GABRB2: variants seen among roughly 807,000 people sequenced by gnomAD.
GABRB2 encodes the protein gamma-aminobutyric acid type A receptor subunit beta2.
Under a neutral mutation model 54.7 loss-of-function variants are expected in GABRB2, and 16 were observed. The ratio of observed to expected loss-of-function variants is 0.29; its 90% CI spans 0.20 to 0.44. The LOEUF is 0.44. Ranked by LOEUF, GABRB2 falls within the 20% of genes least tolerant of loss-of-function variation. GABRB2 has a pLI of 1.00. For synonymous variants in GABRB2, 244 were observed against 233.8 expected (o/e 1.04, Z -0.40); for missense variants, 355 against 644.0 (o/e 0.55, Z 4.86).
chr5:161,305,241 C>T (rs910164494), intron 9 of GABRB2, among the ~76,000 whole-genome samples: 9 of 151,766 alleles, frequency 5.9e-5, no homozygotes, highest in Non-Finnish European at 1.2e-4. Context: ...TGGTCTCGAT[C>T]TCCTGACCTC....
At chr5:161,301,911 C>G (rs987247074) in intron 9 of GABRB2, among the ~76,000 whole-genome samples, 2 of 152,176 alleles carry the variant, frequency 1.3e-5, no homozygotes, top group Non-Finnish European at 2.9e-5. Context: ...ATCAAGCATG[C>G]CGATGCCAAC....
At chr5:161,404,869 C>A (rs1285123698) in intron 5 of GABRB2, among the ~76,000 whole-genome samples, 1 of 152,094 alleles carries the variant, frequency 6.6e-6, no homozygotes, top group East Asian at 1.9e-4. Flanking sequence ...TTTGCTTGTG[C>A]CAAGTAACCC....
intron 4 of GABRB2, among the ~76,000 whole-genome samples, chr5:161,414,276 C>T (rs1756599881): frequency 6.6e-6 from 1 of 152,032 alleles, no homozygotes; most frequent in South Asian, 2.1e-4. Context: ...TTGCCTCATC[C>T]TGAAAATTTC....
chr5:161,525,397 AT>A (rs1297567744), intron 3 of GABRB2, among the ~76,000 whole-genome samples: 1 of 151,384 alleles, frequency 6.6e-6, no homozygotes, highest in Admixed American at 6.6e-5. Context: ...TATATAGACC[AT>A]TAAGAGTAAA....
intron 3 of GABRB2, among the ~76,000 whole-genome samples, chr5:161,466,681 G>C (rs557335891): frequency 1.3e-5 from 2 of 152,128 alleles, no homozygotes; most frequent in East Asian, 3.9e-4. Context: ...GTGTGGTGCA[G>C]CATCTCCCCT....
At chr5:161,525,368 T>A (rs567250808) in intron 3 of GABRB2, among the ~76,000 whole-genome samples, 1 of 151,484 alleles carries the variant, frequency 6.6e-6, no homozygotes, top group African/African-American at 2.4e-5. Context: ...ATTTAATAAT[T>A]TTTAGATTGG....
At chr5:161,323,303 G>A (rs868278028) in intron 9 of GABRB2, among the ~76,000 whole-genome samples, 14 of 152,254 alleles carry the variant, frequency 9.2e-5, no homozygotes, top group African/African-American at 3.1e-4. Flanking sequence ...GATTACAGGC[G>A]TGAGCCACCC....
intron 3 of GABRB2, among the ~76,000 whole-genome samples, chr5:161,493,190 C>G (rs1759130846): frequency 6.6e-6 from 1 of 151,528 alleles, no homozygotes; most frequent in African/African-American, 2.4e-5. Flanking sequence ...AAGGTGGTAC[C>G]TCTTTATTAT....
At chr5:161,385,505 A>G (rs558056117) in intron 5 of GABRB2, among the ~76,000 whole-genome samples, 3 of 152,252 alleles carry the variant, frequency 2.0e-5, no homozygotes, top group African/African-American at 7.2e-5. Flanking sequence ...GTGGGTGGAG[A>G]CAAAAGACTC....
At position 161,292,078 on chromosome 5, in the gene GABRB2, C is replaced by A. The variant is rs1738415988; in HGVS notation, c.*2003G>T. The A allele has an allele frequency of 6.7e-6, 1 of 148,804 alleles. No individual in the cohort carries two copies. Among genetic ancestry groups the A allele is most frequent in the South Asian group, 2.1e-4 (1 of 4,708 alleles). The allele number at this position is 148,804 out of a possible 1,614,324, so 9.2% of individuals were successfully genotyped here. ...GATTATGTAATCAAAATATAATGGCCAAGGTTTCCTACACTGGTGAAAAAC... is the reference window on the plus strand; with the variant it reads ...GATTATGTAATCAAAATATAATGGCAAAGGTTTCCTACACTGGTGAAAAAC... On this transcript the variant is annotated 3_prime_UTR_variant, in exon 10 of 10. Coordinates refer to ENST00000393959, the MANE Select transcript of GABRB2 (RefSeq NM_001371727.1).
rs112583761 is a variant in GABRB2 at position 161,519,769 on chromosome 5, T to A, written c.237+25458A>T. ...ATCCCAATTTAAGAAGACAACAAAT[T>A]TGATTTTAAATGATCAAGGTGAGGA... On this transcript the variant is annotated intron_variant, in intron 3 of 9. Coordinates refer to ENST00000393959, the MANE Select transcript of GABRB2 (RefSeq NM_001371727.1). Among the ~76,000 whole-genome samples the A allele has an allele frequency of 5.6e-3, 846 of 152,242 alleles. 8 individuals are homozygous for A. Among genetic ancestry groups the A allele is most frequent in the African/African-American group, 0.019 (791 of 41,566 alleles).
At chr5:161,400,140 G>C (rs1756138747) in intron 5 of GABRB2, among the ~76,000 whole-genome samples, 1 of 152,216 alleles carries the variant, frequency 6.6e-6, no homozygotes, top group African/African-American at 2.4e-5. Flanking sequence ...CTGTGTTGCA[G>C]TTCAATGGGC....
intron 3 of GABRB2, among the ~76,000 whole-genome samples, chr5:161,525,318 A>G (rs1433859468): frequency 1.3e-5 from 2 of 151,420 alleles, no homozygotes; most frequent in African/African-American, 2.4e-5. Context: ...ATTCCAGTTT[A>G]ACAAATAAAA....
chr5:161,438,029 A>T (rs1757359824), intron 4 of GABRB2, among the ~76,000 whole-genome samples: 1 of 152,186 alleles, frequency 6.6e-6, no homozygotes, highest in Admixed American at 6.5e-5. Context: ...CTGATTGTAG[A>T]GGGTTAGGGC....
intron 4 of GABRB2, among the ~76,000 whole-genome samples, chr5:161,420,806 GATAGAATACATTGCAGAAGTGTACTT>G (rs1756825607): frequency 6.6e-6 from 1 of 152,206 alleles, no homozygotes; most frequent in Non-Finnish European, 1.5e-5. Context: ...GTCTCTGACT[GATAGAATACATTGCAGAAGTGTACTT>G]AAAATCTGAG....
In GABRB2 at chr5:161,290,989, A is replaced by T. The variant is rs1159126121; in HGVS notation, c.*3092T>A. On this transcript the variant is annotated 3_prime_UTR_variant, in exon 10 of 10. Coordinates refer to ENST00000393959, the MANE Select transcript of GABRB2 (RefSeq NM_001371727.1). The stretch of plus-strand genomic sequence containing the variant: ...GCTTTTGAAGAAATGAGAAGAGAAA[A>T]GGTCTAGATGGCACTGCTTGAATCT... 2.0e-5 allele frequency: 3 copies of T among 152,556 alleles called. No individual in the cohort carries two copies. Among genetic ancestry groups the T allele is most frequent in the African/African-American group, 7.2e-5 (3 of 41,452 alleles). The allele number at this position is 152,556 out of a possible 1,614,324, so 9.5% of individuals were successfully genotyped here.
At chr5:161,546,818 AATT>A, upstream of GABRB2, 1 of 1,328,174 alleles carries the variant, frequency 7.5e-7, no homozygotes, top group South Asian at 1.6e-5. Context: ...AAAAAAAAAA[AATT>A]AAAAGGGAAA....
intron 5 of GABRB2, among the ~76,000 whole-genome samples, chr5:161,362,840 G>T (rs1008984606): frequency 6.6e-6 from 1 of 152,078 alleles, no homozygotes; most frequent in Non-Finnish European, 1.5e-5. Flanking sequence ...ACCATCTCAC[G>T]CCAACCAGAA....
Position 161,381,454 on chromosome 5 carries a change from AG to A in GABRB2, c.541+29520del, listed in dbSNP as rs2113483771. ...GGCACATAAGGCAAGAGAAAGACTCAGGGTGGGGAATTAAGGGTGAAAAGAG... is the reference window on the plus strand; with the variant it reads ...GGCACATAAGGCAAGAGAAAGACTCAGGTGGGGAATTAAGGGTGAAAAGAG... On this transcript the variant is annotated intron_variant, in intron 5 of 9. Coordinates refer to ENST00000393959, the MANE Select transcript of GABRB2 (RefSeq NM_001371727.1). Among the ~76,000 whole-genome samples the A allele has an allele frequency of 1.3e-5, 2 of 152,240 alleles. 1 individual carries two copies. Among genetic ancestry groups the A allele is most frequent in the South Asian group, 4.1e-4 (2 of 4,830 alleles).
Sources: allele counts gnomAD v4.1 joint callset (sites outside exome capture counted in the v4.1 genomes callset), GRCh38; gene constraint gnomAD v4.1.1; transcripts MANE v1.5; gene names NCBI Gene and HGNC (gene_info 2026-07-23, HGNC 2026-07-21).